Variants in UBE3A observed in about 807,000 individuals in gnomAD.
UBE3A encodes the protein ubiquitin-protein ligase E3A.
Under a neutral mutation model 83.4 loss-of-function variants are expected in UBE3A, and 6 were observed. The observed-to-expected ratio is 0.07, with a 90% CI of 0.04 to 0.14. The LOEUF (loss-of-function observed/expected upper bound fraction) is 0.14, where lower values mean the gene tolerates loss of function less well. UBE3A is among the 10% of genes least tolerant of loss of function. The pLI is 1.00. For missense variants in UBE3A, 456 were observed against 1,036.1 expected (o/e 0.44, Z 7.69); for synonymous variants, 337 against 355.4 (o/e 0.95, Z 0.58).
intron 1 of UBE3A, among the ~76,000 whole-genome samples, chr15:25,427,958 ATTATG>A (rs1461882256): frequency 6.6e-6 from 1 of 152,184 alleles, no homozygotes; most frequent in African/African-American, 2.4e-5. Context: ...ACAAGAAGCC[ATTATG>A]TTAAGTGAAA....
In UBE3A at chr15:25,360,533, G is replaced by C; in HGVS notation, c.1609-6C>G. 6.2e-7 allele frequency: 1 copy of C among 1,612,546 alleles called. No individual in the cohort carries two copies. Among genetic ancestry groups the C allele is most frequent in the Non-Finnish European group, 8.5e-7 (1 of 1,179,588 alleles). On this transcript the variant is annotated splice_region_variant and splice_polypyrimidine_tract_variant and intron_variant, in intron 6 of 12. Coordinates refer to ENST00000648336, the MANE Select transcript of UBE3A (RefSeq NM_130839.5). ...TCCATAGCGATCATCTCTAGCTAGT[G>C]ATTGAAAAGATAAACATGAAAAGAA...
intron 1 of UBE3A, among the ~76,000 whole-genome samples, chr15:25,431,964 C>T (rs1243733037): frequency 1.3e-5 from 2 of 152,236 alleles, no homozygotes; most frequent in African/African-American, 2.4e-5. Flanking sequence ...CCATATTTCC[C>T]CTTATGACCC....
intron 4 of UBE3A, among the ~76,000 whole-genome samples, chr15:25,398,723 G>A (rs1212560675): frequency 7.2e-6 from 1 of 139,642 alleles, no homozygotes; most frequent in African/African-American, 2.6e-5. Flanking sequence ...ATACCGAAAG[G>A]AACATGGGAG....
chr15:25,360,796 A>G (rs1417432040), intron 6 of UBE3A, among the ~76,000 whole-genome samples: 2 of 150,082 alleles, frequency 1.3e-5, no homozygotes, highest in Non-Finnish European at 2.9e-5. Context: ...ATTAATTAAG[A>G]TTTTATTACT....
At chr15:25,397,955 T>C (rs1205428519) in intron 4 of UBE3A, among the ~76,000 whole-genome samples, 1 of 152,100 alleles carries the variant, frequency 6.6e-6, no homozygotes, top group Non-Finnish European at 1.5e-5. Flanking sequence ...CTAAAACCTC[T>C]GACAATGATC....
intron 1 of UBE3A, among the ~76,000 whole-genome samples, chr15:25,426,702 C>T (rs948007459): frequency 6.6e-6 from 1 of 152,176 alleles, no homozygotes; most frequent in South Asian, 2.1e-4. Context: ...CTAAGTGAAC[C>T]AGACCACACT....
intron 11 of UBE3A, among the ~76,000 whole-genome samples, chr15:25,345,389 CA>C (rs1200547847): frequency 6.6e-6 from 1 of 151,468 alleles, no homozygotes; most frequent in Non-Finnish European, 1.5e-5. Flanking sequence ...TAATAAAAAC[CA>C]AAAAAAAGTT....
chr15:25,383,668 C>T (rs1048128692), intron 4 of UBE3A, among the ~76,000 whole-genome samples: 23 of 151,886 alleles, frequency 1.5e-4, no homozygotes, highest in Admixed American at 7.9e-4. Context: ...ACGCTCAATT[C>T]GCTAGAAAGA....
At chr15:25,396,208 A>G (rs1321925809) in intron 4 of UBE3A, among the ~76,000 whole-genome samples, 2 of 152,270 alleles carry the variant, frequency 1.3e-5, no homozygotes, top group Non-Finnish European at 2.9e-5. Flanking sequence ...CTCAAAAAAA[A>G]AATCTGAAGT....
rs544900249 is a variant in UBE3A at position 25,389,401 on chromosome 15, G to A, written c.63-13638C>T. On this transcript the variant is annotated intron_variant, in intron 4 of 12. Coordinates refer to ENST00000648336, the MANE Select transcript of UBE3A (RefSeq NM_130839.5). Reference sequence around the variant, plus strand: ...AGAAAAAATCTAGATCTTGGGTTTGGTGATGACTTTTAGATACGGCACCAA... The same window carrying A: ...AGAAAAAATCTAGATCTTGGGTTTGATGATGACTTTTAGATACGGCACCAA... Among the ~76,000 whole-genome samples, 209 of 152,248 alleles carry A rather than the reference G, an allele frequency of 1.4e-3. 1 individual carries two copies. Among genetic ancestry groups the A allele is most frequent in the African/African-American group, 4.9e-3 (205 of 41,550 alleles).
Position 25,335,835 on chromosome 15 carries a change from G to T in UBE3A, c.*3302C>A, listed in dbSNP as rs1248382217. 1 of 152,156 alleles carries T rather than the reference G, an allele frequency of 6.6e-6. No individual in the cohort carries two copies. The highest frequency in any genetic ancestry group is 1.5e-5 in the Non-Finnish European group (1 of 68,052). 9.4% of individuals were successfully genotyped at this position (152,156 alleles called of 1,614,324 possible). ...ACAGGTAAGGACTTTAAGCAGAATT[G>T]GAGGAGTATCCATCTAAAATCTGGG... On this transcript the variant is annotated 3_prime_UTR_variant, in exon 13 of 13. Transcript: ENST00000648336.
rs546303864 is a variant in UBE3A at position 25,338,946 on chromosome 15, C to T, written c.*191G>A. 2 of 414,524 alleles carry T rather than the reference C, an allele frequency of 4.8e-6. No homozygotes were observed. The highest frequency in any genetic ancestry group is 5.4e-5 in the South Asian group (1 of 18,492). The allele number at this position is 414,524 out of a possible 1,614,324, so 25.7% of individuals were successfully genotyped here. Reference sequence around the variant, plus strand: ...TATATGTAGCTGAAATCTGCTGTTCCAGCCCACATGTCCCCAATAAAGAAG... The same window carrying T: ...TATATGTAGCTGAAATCTGCTGTTCTAGCCCACATGTCCCCAATAAAGAAG... On this transcript the variant is annotated 3_prime_UTR_variant, in exon 13 of 13. Transcript: ENST00000648336.
intron 4 of UBE3A, among the ~76,000 whole-genome samples, chr15:25,376,790 T>C (rs989078684): frequency 1.8e-5 from 2 of 113,382 alleles, no homozygotes; most frequent in Non-Finnish European, 3.5e-5. Flanking sequence ...TGAAATCTTA[T>C]ATTCCTTTTA....
At position 25,376,570 on chromosome 15, in the gene UBE3A, G is replaced by T. The variant is rs540801423; in HGVS notation, c.63-807C>A. On this transcript the variant is annotated intron_variant, in intron 4 of 12. Coordinates refer to ENST00000648336, the MANE Select transcript of UBE3A (RefSeq NM_130839.5). Reference sequence around the variant, plus strand: ...GAGGCTGAGGATCACTTGAGCCTGAGAGTCAAGGCTGCCATAAGCTGAAAT... The same window carrying T: ...GAGGCTGAGGATCACTTGAGCCTGATAGTCAAGGCTGCCATAAGCTGAAAT... Among the ~76,000 whole-genome samples, 15 of 152,152 alleles carry T rather than the reference G, an allele frequency of 9.9e-5. No individual in the cohort carries two copies. The East Asian group carries it at 2.9e-3, about 29-fold the overall frequency.
intron 7 of UBE3A, 59 bp from the exon 8 acceptor site, chr15:25,356,955 T>A: frequency 2.9e-6 from 4 of 1,356,290 alleles, no homozygotes; most frequent in Non-Finnish European, 4.2e-6. Context: ...GACTGATGAA[T>A]AATACAAATA....
At chr15:25,382,138 G>A (rs1311063085) in intron 4 of UBE3A, among the ~76,000 whole-genome samples, 3 of 152,098 alleles carry the variant, frequency 2.0e-5, no homozygotes, top group African/African-American at 7.2e-5. Flanking sequence ...CTAACATGGT[G>A]AAACTACGTC....
chr15:25,390,535 G>A (rs1292592871), intron 4 of UBE3A, among the ~76,000 whole-genome samples: 1 of 152,042 alleles, frequency 6.6e-6, no homozygotes, highest in Admixed American at 6.6e-5. Flanking sequence ...AAGCTGAAAG[G>A]GCTATATACT....
At chr15:25,344,139 G>A (rs1349298162) in intron 11 of UBE3A, among the ~76,000 whole-genome samples, 2 of 152,056 alleles carry the variant, frequency 1.3e-5, no homozygotes, top group Admixed American at 6.6e-5. Flanking sequence ...ACATATGTAC[G>A]GAATAATGCA....
At chr15:25,365,474 C>T (rs1202120870) in intron 6 of UBE3A, among the ~76,000 whole-genome samples, 2 of 151,720 alleles carry the variant, frequency 1.3e-5, no homozygotes, top group East Asian at 1.9e-4. Flanking sequence ...CAAGGCCGGG[C>T]GTGGTGGCTC....
Sources: allele counts gnomAD v4.1 joint callset (sites outside exome capture counted in the v4.1 genomes callset), GRCh38; gene constraint gnomAD v4.1.1; transcripts MANE v1.5; gene names NCBI Gene and HGNC (gene_info 2026-07-23, HGNC 2026-07-21).